Variants in SORCS2 observed in about 807,000 individuals in gnomAD.
SORCS2 encodes VPS10 domain-containing receptor SorCS2.
SORCS2 carries 100 observed loss-of-function variants against 141.6 expected under a neutral mutation model. The ratio of observed to expected loss-of-function variants is 0.71; its 90% confidence interval spans 0.60 to 0.83. SORCS2 has a LOEUF of 0.83. SORCS2 is among the 40% of genes least tolerant of loss of function. The pLI is 0.00. For missense variants in SORCS2, 1,646 were observed against 1,560.2 expected, an observed-to-expected ratio of 1.05 and a Z score of -0.93; for synonymous variants, 789 against 676.9, an observed-to-expected ratio of 1.17 and a Z score of -2.57.
intron 1 of SORCS2, among the ~76,000 whole-genome samples, chr4:7,388,193 C>T (rs1429136958): frequency 6.6e-6 from 1 of 152,226 alleles, no homozygotes; most frequent in African/African-American, 2.4e-5. Context: ...AGACGGCCTG[C>T]AGAAGTCGGC....
At chr4:7,521,744 C>T (rs1185082602) in intron 2 of SORCS2, among the ~76,000 whole-genome samples, 1 of 152,218 alleles carries the variant, frequency 6.6e-6, no homozygotes, top group Non-Finnish European at 1.5e-5. Flanking sequence ...AAGTCCCTTT[C>T]CCACTGGGCC....
intron 25 of SORCS2, among the ~76,000 whole-genome samples, chr4:7,736,863 C>G (rs1044608601): frequency 6.6e-6 from 1 of 152,154 alleles, no homozygotes; most frequent in African/African-American, 2.4e-5. Flanking sequence ...GCCAAGGGAG[C>G]ATGCAGGAGG....
At chr4:7,239,068 C>G (rs948263462) in intron 1 of SORCS2, among the ~76,000 whole-genome samples, 4 of 152,222 alleles carry the variant, frequency 2.6e-5, no homozygotes, top group Non-Finnish European at 1.5e-5. Context: ...GAGACTCCCC[C>G]GTCCTCTTGG....
At chr4:7,473,589 G>A (rs1347070563) in intron 2 of SORCS2, among the ~76,000 whole-genome samples, 1 of 152,190 alleles carries the variant, frequency 6.6e-6, no homozygotes, top group East Asian at 1.9e-4. Context: ...GGGTGAGACT[G>A]GAAACCCAAG....
intron 2 of SORCS2, among the ~76,000 whole-genome samples, chr4:7,400,311 C>T (rs2109123536): frequency 6.6e-6 from 1 of 152,280 alleles, no homozygotes; most frequent in Non-Finnish European, 1.5e-5. Context: ...GTGGCACCAA[C>T]CCCAGGTACT....
chr4:7,677,298 C>A (rs1020816860), intron 9 of SORCS2, among the ~76,000 whole-genome samples: 1 of 152,222 alleles, frequency 6.6e-6, no homozygotes, highest in South Asian at 2.1e-4. Flanking sequence ...TGGATCCCTG[C>A]AGCAGCCCCG....
chr4:7,254,585 C>T (rs1713720646), intron 1 of SORCS2, among the ~76,000 whole-genome samples: 1 of 152,128 alleles, frequency 6.6e-6, no homozygotes, highest in South Asian at 2.1e-4. Flanking sequence ...GTGATGGATA[C>T]ACCCACTATA....
At chr4:7,408,387 T>C (rs1293972276) in intron 2 of SORCS2, among the ~76,000 whole-genome samples, 2 of 51,286 alleles carry the variant, frequency 3.9e-5, no homozygotes, top group Non-Finnish European at 1.1e-4. Flanking sequence ...TGGATGACAG[T>C]TTTTTTTTTC....
chr4:7,715,803 C>A (rs750665192), intron 17 of SORCS2, among the ~76,000 whole-genome samples: 1 of 152,232 alleles, frequency 6.6e-6, no homozygotes, highest in Non-Finnish European at 1.5e-5. Context: ...CTGCAGGTCT[C>A]AGCTTAAATG....
chr4:7,531,947 A>G (rs10021708), intron 3 of SORCS2, among the ~76,000 whole-genome samples: 12,035 of 152,358 alleles, frequency 0.079, 515 homozygotes, highest in African/African-American at 0.1. Flanking sequence ...AAGCAGAGAC[A>G]GCAGCAGCTC....
At chr4:7,637,831 C>G (rs1477531909) in intron 3 of SORCS2, among the ~76,000 whole-genome samples, 1 of 150,620 alleles carries the variant, frequency 6.6e-6, no homozygotes, top group African/African-American at 2.4e-5. Flanking sequence ...GAAGCCTGAC[C>G]CAGGCACTCC....
intron 2 of SORCS2, among the ~76,000 whole-genome samples, chr4:7,523,839 C>T (rs111327191): frequency 2.0e-5 from 3 of 152,282 alleles, no homozygotes; most frequent in Admixed American, 6.5e-5. Flanking sequence ...TCCTCGAAGC[C>T]GTACACTTAA....
chr4:7,664,559 A>G lies in SORCS2; in HGVS notation c.1071+88A>G. 2.2e-6 allele frequency: 2 copies of G among 915,700 alleles called. No homozygotes were observed. The highest frequency in any genetic ancestry group is 1.6e-5 in the South Asian group (1 of 61,018). The allele number at this position is 915,700 out of a possible 1,614,324, so 56.7% of individuals were successfully genotyped here. A position where few individuals can be genotyped will look rare whatever the true frequency, so the allele number is the denominator to read the frequency against. On this transcript the variant is annotated intron_variant, in intron 7 of 26. Coordinates refer to ENST00000507866, the MANE Select transcript of SORCS2 (RefSeq NM_020777.3). The surrounding 1 kb of genome is among the most constrained non-coding windows in gnomAD (Gnocchi z 4.7). ...CGGCAAAAATGGCATCGCTCAGAAA[A>G]GAGGCAATAAAACGGGTATTTCACT...
chr4:7,563,401 A>T (rs1015675994), intron 3 of SORCS2, among the ~76,000 whole-genome samples: 4 of 152,064 alleles, frequency 2.6e-5, no homozygotes, highest in African/African-American at 7.2e-5. Flanking sequence ...TAAGTGACCT[A>T]CCCAGGGCAA....
intron 3 of SORCS2, among the ~76,000 whole-genome samples, chr4:7,628,647 A>G (rs923848236): frequency 2.0e-5 from 3 of 152,012 alleles, no homozygotes; most frequent in African/African-American, 7.2e-5. Flanking sequence ...GAACAAGGCA[A>G]CCCTGTTCCC....
At position 7,604,894 on chromosome 4, in the gene SORCS2, G is replaced by T. The variant is rs552088424; in HGVS notation, c.649-33434G>T. On this transcript the variant is annotated intron_variant, in intron 3 of 26. Coordinates refer to ENST00000507866, the MANE Select transcript of SORCS2 (RefSeq NM_020777.3). ...CAGGCAGAGGGATTCTTCTAAGCTG[G>T]CTCCTCTCCTTGGATTTGTCTCCTG... is the stretch of plus-strand genomic sequence containing the variant. Among the ~76,000 whole-genome samples the T allele has an allele frequency of 2.0e-5, 3 of 152,298 alleles. No individual in the cohort carries two copies. The South Asian group carries it at 6.2e-4, about 32-fold the overall frequency.
intron 1 of SORCS2, among the ~76,000 whole-genome samples, chr4:7,394,122 G>C (rs1724048661): frequency 6.6e-6 from 1 of 152,164 alleles, no homozygotes; most frequent in South Asian, 2.1e-4. Flanking sequence ...GAACGATTCT[G>C]TCCCCAAGAC....
At chr4:7,395,299 G>A (rs533044429) in intron 1 of SORCS2, among the ~76,000 whole-genome samples, 2 of 152,318 alleles carry the variant, frequency 1.3e-5, no homozygotes, top group South Asian at 2.1e-4. Context: ...GAGCCCGACC[G>A]TTGGGGATGA....
At chr4:7,521,008 C>G (rs1733294417) in intron 2 of SORCS2, among the ~76,000 whole-genome samples, 1 of 152,172 alleles carries the variant, frequency 6.6e-6, no homozygotes, top group Admixed American at 6.5e-5. Flanking sequence ...ACTGCGTGGC[C>G]CAACACTGAG....
Sources: allele counts gnomAD v4.1 joint callset (sites outside exome capture counted in the v4.1 genomes callset), GRCh38; gene constraint gnomAD v4.1.1; non-coding constraint Gnocchi (gnomAD v3.1); transcripts MANE v1.5; gene names NCBI Gene and HGNC (gene_info 2026-07-23, HGNC 2026-07-21).